The following PNPLA6 variants were observed in gnomAD, a reference collection of about 807,000 sequenced individuals.
PNPLA6 encodes the protein patatin-like phospholipase domain-containing protein 6.
PNPLA6 carries 105 observed loss-of-function variants against 153.7 expected under a neutral mutation model. The observed-to-expected ratio is 0.68, with a 90% CI of 0.58 to 0.80. The LOEUF is 0.80. Ranked by LOEUF, PNPLA6 falls within the 30% of genes least tolerant of loss-of-function variation. The probability of loss-of-function intolerance (pLI) is 0.00; values close to 1 mark genes in which losing one functional copy is unlikely to be tolerated. For missense variants in PNPLA6, 1,423 were observed against 1,919.3 expected (o/e 0.74, Z 4.83); for synonymous variants, 825 against 822.2 (o/e 1.00, Z -0.06).
In PNPLA6 at chr19:7,542,545, C is replaced by G; in HGVS notation, c.1253-16C>G. On this transcript the variant is annotated splice_polypyrimidine_tract_variant and intron_variant, in intron 10 of 31. Coordinates refer to ENST00000600737, the MANE Select transcript of PNPLA6 (RefSeq NM_001166114.2). The stretch of plus-strand genomic sequence containing the variant: ...CTCATCTTTATGGTTTTTGTTGCCC[C>G]CCTGCCTGCCTGCAGGCTTGCAGGG... 1 of 1,595,772 alleles carries G rather than the reference C, an allele frequency of 6.3e-7. No individual in the cohort carries two copies. Among genetic ancestry groups the G allele is most frequent in the South Asian group, 1.1e-5 (1 of 90,740 alleles).
rs753721961 is a variant in PNPLA6 at position 7,540,735 on chromosome 19, G to T, written c.795+25G>T. 13 of 1,595,992 alleles carry T rather than the reference G, an allele frequency of 8.1e-6. No homozygotes were observed. Among genetic ancestry groups the T allele is most frequent in the Admixed American group, 5.0e-5 (3 of 60,000 alleles). ...CGTGAGTGACCAGTTTCTGAGGCAG[G>T]GGGGCTGGGGTGCAAGGTCCCACCC... On this transcript the variant is annotated intron_variant, in intron 6 of 31. Transcript: ENST00000600737. This position sits in a 1 kb window ranked among gnomAD's most constrained non-coding sequence, Gnocchi z 6.8.
At chr19:7,557,102 C>A (rs940588256) in intron 26 of PNPLA6, 66 bp from the exon 27 acceptor site, 3 of 1,235,880 alleles carry the variant, frequency 2.4e-6, no homozygotes, top group Middle Eastern at 2.5e-4. Context: ...CCCATCGGGC[C>A]GGCTGGGCCT....
chr19:7,558,769 A>T, intron 27 of PNPLA6, 81 bp from the exon 28 acceptor site: 1 of 944,482 alleles, frequency 1.1e-6, no homozygotes, highest in Non-Finnish European at 1.6e-6. Flanking sequence ...CATTTGCATG[A>T]TGGCATCTGT....
At chr19:7,552,156 G>A (rs551635984) in intron 18 of PNPLA6, among the ~76,000 whole-genome samples, 2 of 152,312 alleles carry the variant, frequency 1.3e-5, no homozygotes, top group Non-Finnish European at 2.9e-5. Flanking sequence ...TACCATGATG[G>A]AAAATAGTCT....
chr19:7,552,612 G>A (rs552077106), intron 18 of PNPLA6, among the ~76,000 whole-genome samples: 6 of 151,834 alleles, frequency 4.0e-5, no homozygotes, highest in African/African-American at 1.2e-4. Context: ...AAAATTAGTC[G>A]GGTGTGGTGG....
At chr19:7,535,330 T>C, upstream of PNPLA6, 2 of 622,636 alleles carry the variant, frequency 3.2e-6, no homozygotes, top group Non-Finnish European at 5.8e-6. The surrounding 1 kb of genome is among the most constrained non-coding windows in gnomAD (Gnocchi z 5.0). Context: ...GGCCGAGAGG[T>C]CGGTTTGCTC....
At chr19:7,557,783 CAA>C (rs1555751198) in intron 27 of PNPLA6, among the ~76,000 whole-genome samples, 5 of 110,572 alleles carry the variant, frequency 4.5e-5, no homozygotes, top group African/African-American at 4.2e-5. Flanking sequence ...GACTCAGTCT[CAA>C]AAAAAAAAAA....
At chr19:7,558,760 A>C in intron 27 of PNPLA6, 90 bp from the exon 28 acceptor site, 1 of 888,184 alleles carries the variant, frequency 1.1e-6, no homozygotes, top group Non-Finnish European at 1.8e-6. Context: ...TTGCGTGATC[A>C]TTTGCATGAT....
In PNPLA6 at chr19:7,542,760, G is replaced by A. The variant is rs754074385; in HGVS notation, c.1363-1G>A. 1 of 1,612,958 alleles carries A rather than the reference G, an allele frequency of 6.2e-7. No individual in the cohort carries two copies. The highest frequency in any genetic ancestry group is 1.1e-5 in the South Asian group (1 of 91,070). Reference sequence around the variant, plus strand: ...GGAGGTCACAAGCCTGCCCCACTCAGACCCCCACTCAGGAGCCTCGTGAGC... The same window carrying A: ...GGAGGTCACAAGCCTGCCCCACTCAAACCCCCACTCAGGAGCCTCGTGAGC... On this transcript the variant is annotated splice_acceptor_variant, in intron 11 of 31. Coordinates refer to ENST00000600737, the MANE Select transcript of PNPLA6 (RefSeq NM_001166114.2). LOFTEE classifies it high-confidence loss of function.
Position 7,541,195 on chromosome 19 carries a change from C to T in PNPLA6, c.924+144C>T, listed in dbSNP as rs1422905269. On this transcript the variant is annotated intron_variant, in intron 7 of 31. Coordinates refer to ENST00000600737, the MANE Select transcript of PNPLA6 (RefSeq NM_001166114.2). The surrounding 1 kb of genome is among the most constrained non-coding windows in gnomAD (Gnocchi z 5.2). ...CCTGGAGCAGCCAGATGTCTGCAGCCGCGGACTCCTCCCTTAGCTGCCTCG... is the reference window on the plus strand; with the variant it reads ...CCTGGAGCAGCCAGATGTCTGCAGCTGCGGACTCCTCCCTTAGCTGCCTCG... The T allele has an allele frequency of 1.8e-6, 2 of 1,129,456 alleles. No homozygotes were observed. The highest frequency in any genetic ancestry group is 2.7e-5 in the South Asian group (2 of 75,278). The allele number at this position is 1,129,456 out of a possible 1,614,324, so 70.0% of individuals were successfully genotyped here. A position where few individuals can be genotyped will look rare whatever the true frequency, so the allele number is the denominator to read the frequency against.
intron 13 of PNPLA6, among the ~76,000 whole-genome samples, chr19:7,546,524 C>G (rs1276666601): frequency 2.6e-5 from 4 of 152,186 alleles, no homozygotes; most frequent in Non-Finnish European, 5.9e-5. Context: ...GTCCCAGCTA[C>G]ACGGGAAGCT....
upstream of PNPLA6, chr19:7,535,593 G>GAGACCGGGTAGGTGCCGGCGTGGGGCGC (rs2022815093): frequency 6.2e-7 from 1 of 1,602,186 alleles, no homozygotes; most frequent in Non-Finnish European, 8.5e-7. The surrounding 1 kb of genome is among the most constrained non-coding windows in gnomAD (Gnocchi z 5.0). Flanking sequence ...GGGTGGGGCG[G>GAGACCGGGTAGGTGCCGGCGTGGGGCGC]AGACCGGGTA....
At chr19:7,546,944 G>A (rs988523292) in intron 13 of PNPLA6, among the ~76,000 whole-genome samples, 6 of 150,254 alleles carry the variant, frequency 4.0e-5, no homozygotes, top group African/African-American at 7.4e-5. Flanking sequence ...TCGCTATGTC[G>A]CCCAGGCTGG....
In PNPLA6 at chr19:7,541,145, C is replaced by T. The variant is rs1193645288; in HGVS notation, c.924+94C>T. ...CAAGGGACCGAGGCCCAGCAGCCAG[C>T]AGGCGCTGGAGCTGTGGTTATCGGC... On this transcript the variant is annotated intron_variant, in intron 7 of 31. Transcript: ENST00000600737. The surrounding 1 kb of genome is among the most constrained non-coding windows in gnomAD (Gnocchi z 5.2). 18 of 1,424,530 alleles carry T rather than the reference C, an allele frequency of 1.3e-5. No homozygotes were observed. In the East Asian group the frequency reaches 2.4e-4, roughly 19 times the overall value. 88.2% of individuals were successfully genotyped at this position (1,424,530 alleles called of 1,614,324 possible). A position where few individuals can be genotyped will look rare whatever the true frequency, so the allele number is the denominator to read the frequency against.
intron 18 of PNPLA6, among the ~76,000 whole-genome samples, chr19:7,551,740 C>T (rs2023661514): frequency 1.3e-5 from 2 of 152,014 alleles, no homozygotes; most frequent in South Asian, 4.1e-4. Flanking sequence ...GTAGTCTGCC[C>T]GGGAGTCAGG....
chr19:7,542,921 G>A lies in PNPLA6; in HGVS notation c.1523G>A (p.Arg508Gln), dbSNP rs370094298. 2 of 1,613,590 alleles carry A rather than the reference G, an allele frequency of 1.2e-6. No homozygotes were observed. The highest frequency in any genetic ancestry group is 8.5e-7 in the Non-Finnish European group (1 of 1,179,938). Reference protein sequence around the residue: ...AAKQELAKLMRIEDPSLLNSR... With the variant: ...AAKQELAKLMQIEDPSLLNSR... Reference sequence around the variant, plus strand: ...AAGCAGGAGCTGGCCAAGCTGATGCGGATTGAGGTGGGCAGCCGAGGGGAG... The same window carrying A: ...AAGCAGGAGCTGGCCAAGCTGATGCAGATTGAGGTGGGCAGCCGAGGGGAG... The change falls in exon 12 of 32, where the codon CGG (arginine) becomes CAG (glutamine). Residue 508 changes from arginine (R) to glutamine (Q), a missense_variant. This residue lies in a region of PNPLA6 where 267 missense variants were observed against 255.1 expected (regional missense o/e 1.05). Transcript: ENST00000600737.
Position 7,548,836 on chromosome 19 carries a change from T to C in PNPLA6, c.1609-1071T>C, listed in dbSNP as rs2023509954. Among the ~76,000 whole-genome samples the C allele has an allele frequency of 2.7e-5, 4 of 145,668 alleles. No individual in the cohort carries two copies. The South Asian group carries it at 8.5e-4, about 31-fold the overall frequency. On this transcript the variant is annotated intron_variant, in intron 13 of 31. Transcript: ENST00000600737. Reference sequence around the variant, plus strand: ...TTTTTTTTTTGAGACGGAGTCTCGCTCAGTCGCCCAGGCTGGAGTGCAGTG... The same window carrying C: ...TTTTTTTTTTGAGACGGAGTCTCGCCCAGTCGCCCAGGCTGGAGTGCAGTG...
chr19:7,554,362 A>G (rs538601372), intron 20 of PNPLA6, 90 bp downstream of exon 20: 4 of 1,340,766 alleles, frequency 3.0e-6, no homozygotes, highest in Non-Finnish European at 4.3e-6. Flanking sequence ...TTGGCTTCCA[A>G]CCACGGAGCC....
intron 2 of PNPLA6, 55 bp from the exon 3 acceptor site, chr19:7,536,394 C>T: frequency 2.8e-6 from 4 of 1,446,832 alleles, no homozygotes; most frequent in East Asian, 2.3e-5. Flanking sequence ...ATCCGTCTGC[C>T]TCTTCTCCAA....
Sources: gnomAD v4.1 joint callset for allele counts (sites outside exome capture counted in the v4.1 genomes callset) on GRCh38, gnomAD v4.1.1 for gene constraint, gnomAD v4.1.1 regional missense constraint, Gnocchi (gnomAD v3.1) non-coding constraint, MANE v1.5 for transcripts, NCBI Gene and HGNC (gene_info 2026-07-23, HGNC 2026-07-21) for gene names.